Variants in PRRC2C observed in about 807,000 individuals in gnomAD.
PRRC2C encodes the protein protein PRRC2C.
Under a neutral mutation model 317.2 loss-of-function variants are expected in PRRC2C, and 72 were observed. The observed-to-expected ratio is 0.23, with a 90% CI of 0.19 to 0.28. The LOEUF is 0.28. Among genes scored for constraint, PRRC2C ranks in the 10% least tolerant of loss-of-function variants. The pLI is 1.00. For synonymous variants in PRRC2C, 1,296 were observed against 1,205.9 expected (o/e 1.07, Z -1.55); for missense variants, 3,074 against 3,459.7 (o/e 0.89, Z 2.80).
intron 1 of PRRC2C, among the ~76,000 whole-genome samples, chr1:171,506,846 T>G (rs1170142019): frequency 6.6e-6 from 1 of 152,138 alleles, no homozygotes; most frequent in Non-Finnish European, 1.5e-5. Context: ...TTTGATGTTT[T>G]CATGTCTTTT....
At position 171,577,535 on chromosome 1, in the gene PRRC2C, A is replaced by G. The variant is rs1472989916; in HGVS notation, c.7057A>G (p.Ser2353Gly). The change falls in exon 26 of 35, where the codon AGC becomes GGC. Residue 2353 changes from serine to glycine, a missense_variant. Transcript: ENST00000647382. Reference sequence around the variant, plus strand: ...GAAACCTCAGCAGTTACAGACAAGCAGCCTGCCTTCTGCAAGTCATTTTTC... The same window carrying G: ...GAAACCTCAGCAGTTACAGACAAGCGGCCTGCCTTCTGCAAGTCATTTTTC... Reference protein sequence around the residue: ...KVKPQQLQTSSLPSASHFSQL... With the variant: ...KVKPQQLQTSGLPSASHFSQL... The G allele has an allele frequency of 6.2e-7, 1 of 1,613,430 alleles. No individual in the cohort carries two copies.
intron 23 of PRRC2C, among the ~76,000 whole-genome samples, chr1:171,569,741 G>A (rs1461578395): frequency 6.6e-6 from 1 of 150,602 alleles, no homozygotes; most frequent in African/African-American, 2.4e-5. Flanking sequence ...TCTCAATAAA[G>A]TTTAATTATA....
chr1:171,499,529 G>A (rs891374772), intron 1 of PRRC2C, among the ~76,000 whole-genome samples: 1 of 152,148 alleles, frequency 6.6e-6, no homozygotes, highest in African/African-American at 2.4e-5. Context: ...GGTGGCTCAC[G>A]CCTGTAATCT....
At chr1:171,555,338 C>T (rs1681173380) in intron 18 of PRRC2C, among the ~76,000 whole-genome samples, 1 of 152,188 alleles carries the variant, frequency 6.6e-6, no homozygotes, top group Admixed American at 6.5e-5. Flanking sequence ...CTTTTCTACA[C>T]TGTTTATTCT....
intron 4 of PRRC2C, among the ~76,000 whole-genome samples, 198 bp from the exon 5 acceptor site, chr1:171,515,536 A>G (rs1436196004): frequency 6.6e-6 from 1 of 152,178 alleles, no homozygotes; most frequent in Admixed American, 6.5e-5. Flanking sequence ...ACTGTCTTAG[A>G]CTTTCATCTC....
At chr1:171,509,710 T>TG (rs751408981) in intron 1 of PRRC2C, 4 of 152,042 alleles carry the variant, frequency 2.6e-5, no homozygotes, top group Non-Finnish European at 4.4e-5. Flanking sequence ...CTGGAAGACT[T>TG]GCTATAGAGT....
At chr1:171,528,191 A>AACT (rs1675020299) in intron 11 of PRRC2C, among the ~76,000 whole-genome samples, 1 of 152,040 alleles carries the variant, frequency 6.6e-6, no homozygotes, top group Admixed American at 6.6e-5. Context: ...TTTTAAGAAA[A>AACT]ACAACTTCAC....
Position 171,522,507 on chromosome 1 carries a change from C to T in PRRC2C, c.833+248C>T, listed in dbSNP as rs539013078. On this transcript the variant is annotated intron_variant, in intron 7 of 34. Coordinates refer to ENST00000647382, the MANE Select transcript of PRRC2C (RefSeq NM_001387844.1). The stretch of plus-strand genomic sequence containing the variant: ...AAACCAGGCCGGGGACGGTGGCTCA[C>T]CCCTGTAATCCCAGCACTTTGGAAG... The T allele has an allele frequency of 1.1e-3, 244 of 227,140 alleles. No individual in the cohort carries two copies. The Middle Eastern group carries it at 0.011, about 10-fold the overall frequency. 14.1% of individuals were successfully genotyped at this position (227,140 alleles called of 1,614,324 possible).
chr1:171,577,440 G>A lies in PRRC2C; in HGVS notation c.6962G>A (p.Gly2321Asp). The change falls in exon 26 of 35, where the codon GGT becomes GAT. Residue 2321 changes from glycine (G) to aspartate (D), a missense_variant. Gly to Asp is a moderately conservative substitution (Grantham distance 94, BLOSUM62 -1). Around this residue, in one of 11 missense-constraint regions of PRRC2C, gnomAD observed 490 missense variants for 663.1 expected, o/e 0.74. Coordinates refer to ENST00000647382, the MANE Select transcript of PRRC2C (RefSeq NM_001387844.1). Reference sequence around the variant, plus strand: ...TTTGCTTCCCCAAATATAGGAGCTGGTACATACACTACCTCTTCTTTGAGC... The same window carrying A: ...TTTGCTTCCCCAAATATAGGAGCTGATACATACACTACCTCTTCTTTGAGC... Reference protein sequence around the residue: ...VTPTASLSGAGTYTTSSLSTK... With the variant: ...VTPTASLSGADTYTTSSLSTK... 1 of 1,602,434 alleles carries A rather than the reference G, an allele frequency of 6.2e-7. No homozygotes were observed. Among genetic ancestry groups the A allele is most frequent in the Non-Finnish European group, 8.5e-7 (1 of 1,170,394 alleles).
chr1:171,591,886 G>GCCCCCCCCCCCCCC lies in PRRC2C; in HGVS notation c.*39_*40insCCCCCCCCCCCCCC. ...TTGCAGGGGATTGGGAGGGGGGCGG[G>GCCCCCCCCCCCCCC]AAAACATGGAGAATTAAGTCAGATA... On this transcript the variant is annotated 3_prime_UTR_variant, in exon 35 of 35. Transcript: ENST00000647382. The GCCCCCCCCCCCCCC allele has an allele frequency of 2.1e-6, 1 of 475,630 alleles. No homozygotes were observed. Among genetic ancestry groups the GCCCCCCCCCCCCCC allele is most frequent in the Non-Finnish European group, 3.7e-6 (1 of 266,838 alleles). 29.5% of individuals were successfully genotyped at this position (475,630 alleles called of 1,614,324 possible). A position where few individuals can be genotyped will look rare whatever the true frequency, so the allele number is the denominator to read the frequency against.
chr1:171,520,861 G>A (rs1313463729), intron 6 of PRRC2C, among the ~76,000 whole-genome samples: 1 of 143,912 alleles, frequency 6.9e-6, no homozygotes, highest in Non-Finnish European at 1.5e-5. Flanking sequence ...CTGGAGTGCA[G>A]TGGTGCGATC....
chr1:171,512,824 A>G, intron 2 of PRRC2C, 171 bp from the exon 3 acceptor site: 1 of 565,646 alleles, frequency 1.8e-6, no homozygotes. Context: ...TGATTTCTAC[A>G]CTGAAATGTG....
rs1650243027 is a variant in PRRC2C at position 171,587,206 on chromosome 1, T to C, written c.7953T>C (p.Ile2651=). ...LIPAGTQHSM[I]ATTGKMSEME... ...CTGCTGGAACACAGCATAGCATGAT[T>C]GCAACCACAGGAAAAGTAAGTAAAG... is the stretch of plus-strand genomic sequence containing the variant. The change falls in exon 31 of 35, where the codon ATT becomes ATC. Residue 2651 remains isoleucine (I), a synonymous_variant. Coordinates refer to ENST00000647382, the MANE Select transcript of PRRC2C (RefSeq NM_001387844.1). The C allele has an allele frequency of 6.2e-7, 1 of 1,603,016 alleles. No homozygotes were observed. Among genetic ancestry groups the C allele is most frequent in the African/African-American group, 1.3e-5 (1 of 74,886 alleles).
chr1:171,547,421 A>G (rs1035365259), intron 17 of PRRC2C, among the ~76,000 whole-genome samples: 1 of 152,188 alleles, frequency 6.6e-6, no homozygotes, highest in African/African-American at 2.4e-5. Flanking sequence ...AAAAACTGAG[A>G]TGAAATTAGA....
chr1:171,551,942 C>T (rs184063867), intron 18 of PRRC2C, among the ~76,000 whole-genome samples: 56 of 152,198 alleles, frequency 3.7e-4, no homozygotes, highest in Admixed American at 1.4e-3. Context: ...CTTGGCAATG[C>T]GGGCTCTTTT....
At chr1:171,500,992 G>A (rs1669011625) in intron 1 of PRRC2C, among the ~76,000 whole-genome samples, 1 of 152,190 alleles carries the variant, frequency 6.6e-6, no homozygotes, top group Non-Finnish European at 1.5e-5. Context: ...TCGACTTCCT[G>A]TGCTCCAGCA....
At chr1:171,521,456 A>C (rs1013555309) in intron 6 of PRRC2C, among the ~76,000 whole-genome samples, 5 of 152,222 alleles carry the variant, frequency 3.3e-5, no homozygotes, top group Non-Finnish European at 7.3e-5. Context: ...TGTTTGGGAC[A>C]GTTTATAATG....
intron 19 of PRRC2C, among the ~76,000 whole-genome samples, chr1:171,559,459 A>G (rs939170896): frequency 1.3e-5 from 2 of 151,512 alleles, no homozygotes; most frequent in Non-Finnish European, 2.9e-5. Flanking sequence ...AAATGGAACA[A>G]CAAAGCCTAG....
chr1:171,560,732 T>G (rs980054319), intron 19 of PRRC2C, among the ~76,000 whole-genome samples: 2 of 152,254 alleles, frequency 1.3e-5, no homozygotes, highest in African/African-American at 4.8e-5. Flanking sequence ...TGTAGTATAA[T>G]GTAAACATAA....
Sources: gnomAD v4.1 joint callset for allele counts (sites outside exome capture counted in the v4.1 genomes callset) on GRCh38, gnomAD v4.1.1 for gene constraint, gnomAD v4.1.1 regional missense constraint, MANE v1.5 for transcripts, NCBI Gene and HGNC (gene_info 2026-07-23, HGNC 2026-07-21) for gene names.